MS4A15: variants seen among roughly 807,000 people sequenced by gnomAD.
The protein encoded by MS4A15 is membrane spanning 4-domains A15, also known as membrane-spanning 4-domains subfamily A member 15.
In MS4A15, 22 loss-of-function variants were observed where a neutral mutation model predicts 20.6. The ratio of observed to expected loss-of-function variants is 1.07; its 90% confidence interval spans 0.76 to 1.52. MS4A15 has a LOEUF of 1.52. Among genes scored for constraint, MS4A15 ranks in the 40% most tolerant of loss-of-function variants. The probability of loss-of-function intolerance (pLI) is 0.00; values close to 1 mark genes in which losing one functional copy is unlikely to be tolerated. For missense variants in MS4A15, 312 were observed against 323.0 expected, an observed-to-expected ratio of 0.97 and a Z score of 0.26; for synonymous variants, 129 against 129.3, an observed-to-expected ratio of 1.00 and a Z score of 0.02.
chr11:60,766,552 A>T (rs1254682381), intron 2 of MS4A15, among the ~76,000 whole-genome samples: 2 of 152,106 alleles, frequency 1.3e-5, no homozygotes, highest in Non-Finnish European at 2.9e-5. Context: ...CCACAGGGGA[A>T]AGATCTAAGG....
intron 1 of MS4A15, among the ~76,000 whole-genome samples, chr11:60,759,606 C>T (rs1853682058): frequency 6.6e-6 from 1 of 151,792 alleles, no homozygotes; most frequent in Non-Finnish European, 1.5e-5. Context: ...CCTCTGTTTC[C>T]CACATGTCCC....
Position 60,763,797 on chromosome 11 carries a change from CTCTGCCCACCTCCGGCCAT to C in MS4A15, c.74_92del (p.Pro25HisfsTer37). The stretch of plus-strand genomic sequence containing the variant: ...CATCCCGCCAAACAACGCCAGTGGC[CTCTGCCCACCTCCGGCCAT>C]TCTGCCCACATCCATGTGCCAACCT... On this transcript the variant is annotated frameshift_variant, in exon 2 of 7. Coordinates refer to ENST00000405633, the MANE Select transcript of MS4A15 (RefSeq NM_001098835.2). LOFTEE classifies it high-confidence loss of function. 6.2e-7 allele frequency: 1 copy of C among 1,612,414 alleles called. No homozygotes were observed. Among genetic ancestry groups the C allele is most frequent in the Non-Finnish European group, 8.5e-7 (1 of 1,179,880 alleles).
At chr11:60,764,674 G>A (rs895259006) in intron 2 of MS4A15, among the ~76,000 whole-genome samples, 3 of 152,224 alleles carry the variant, frequency 2.0e-5, no homozygotes, top group Non-Finnish European at 4.4e-5. Context: ...ACTTTGGGAG[G>A]CCGAGGCAGG....
intron 1 of MS4A15, among the ~76,000 whole-genome samples, chr11:60,757,756 A>C (rs1853629942): frequency 6.6e-6 from 1 of 152,174 alleles, no homozygotes; most frequent in South Asian, 2.1e-4. Context: ...CAGTCAGTGA[A>C]TATCTATATG....
At chr11:60,764,812 G>A (rs931547407) in intron 2 of MS4A15, among the ~76,000 whole-genome samples, 4 of 152,136 alleles carry the variant, frequency 2.6e-5, no homozygotes, top group Non-Finnish European at 5.9e-5. Context: ...GGGAGGCTGA[G>A]GCAGGAGAAT....
chr11:60,762,584 G>C (rs1416366599), intron 1 of MS4A15, among the ~76,000 whole-genome samples: 1 of 152,132 alleles, frequency 6.6e-6, no homozygotes, highest in African/African-American at 2.4e-5. Context: ...TACACATTTG[G>C]GTAATGGCCA....
chr11:60,766,384 A>T (rs569340167), intron 2 of MS4A15, among the ~76,000 whole-genome samples: 72 of 152,222 alleles, frequency 4.7e-4, no homozygotes, highest in African/African-American at 1.7e-3. Flanking sequence ...TCCTTCTCAA[A>T]AATAATAATA....
chr11:60,763,965 A>G lies in MS4A15; in HGVS notation c.225+7A>G. On this transcript the variant is annotated splice_region_variant and intron_variant, in intron 2 of 6. Transcript: ENST00000405633. ...AGAGCCCAAAGTTTTGGGGGTAAGA[A>G]CAGCCTCTCTGCACAACCTGAGGCA... is the stretch of plus-strand genomic sequence containing the variant. 6.2e-7 allele frequency: 1 copy of G among 1,607,834 alleles called. No individual in the cohort carries two copies. The highest frequency in any genetic ancestry group is 8.5e-7 in the Non-Finnish European group (1 of 1,177,580).
chr11:60,774,096 T>TCCCATCCATGTCAGGGGGC, intron 6 of MS4A15, 146 bp downstream of exon 6: 1 of 663,202 alleles, frequency 1.5e-6, no homozygotes, highest in Non-Finnish European at 2.7e-6. Flanking sequence ...AGGAAGGGTG[T>TCCCATCCATGTCAGGGGGC]CCCATCCATG....
chr11:60,764,831 C>T (rs1206292868), intron 2 of MS4A15, among the ~76,000 whole-genome samples: 1 of 152,104 alleles, frequency 6.6e-6, no homozygotes, highest in East Asian at 1.9e-4. Context: ...ATTGCTTGAA[C>T]CCGGGAGGTG....
chr11:60,770,016 A>T (rs1236878262), intron 3 of MS4A15, among the ~76,000 whole-genome samples: 1 of 152,214 alleles, frequency 6.6e-6, no homozygotes. Flanking sequence ...GCAGGCCCAG[A>T]GTGGCGCAGC....
chr11:60,763,959 G>C lies in MS4A15; in HGVS notation c.225+1G>C. On this transcript the variant is annotated splice_donor_variant, in intron 2 of 6. Coordinates refer to ENST00000405633, the MANE Select transcript of MS4A15 (RefSeq NM_001098835.2). LOFTEE classifies it high-confidence loss of function. Reference sequence around the variant, plus strand: ...GACAGGAGAGCCCAAAGTTTTGGGGGTAAGAACAGCCTCTCTGCACAACCT... The same window carrying C: ...GACAGGAGAGCCCAAAGTTTTGGGGCTAAGAACAGCCTCTCTGCACAACCT... 6.2e-7 allele frequency: 1 copy of C among 1,610,012 alleles called. No individual in the cohort carries two copies. Among genetic ancestry groups the C allele is most frequent in the South Asian group, 1.1e-5 (1 of 90,818 alleles).
intron 5 of MS4A15, among the ~76,000 whole-genome samples, 161 bp from the exon 6 acceptor site, chr11:60,773,676 G>A (rs540914884): frequency 6.6e-6 from 1 of 152,342 alleles, no homozygotes; most frequent in African/African-American, 2.4e-5. Flanking sequence ...GAGGCAGCCT[G>A]CAGGGTGAAG....
At chr11:60,758,534 C>A (rs759109233) in intron 1 of MS4A15, among the ~76,000 whole-genome samples, 1 of 152,220 alleles carries the variant, frequency 6.6e-6, no homozygotes, top group Non-Finnish European at 1.5e-5. Context: ...ACTCATCTGA[C>A]TCAAACTTTT....
At chr11:60,763,445 C>A (rs1853797992) in intron 1 of MS4A15, among the ~76,000 whole-genome samples, 1 of 152,194 alleles carries the variant, frequency 6.6e-6, no homozygotes, top group African/African-American at 2.4e-5. Flanking sequence ...GAGCTTTCCA[C>A]ATAATATAGC....
intron 5 of MS4A15, 87 bp downstream of exon 5, chr11:60,773,571 C>T (rs908962690): frequency 4.1e-5 from 51 of 1,258,798 alleles, no homozygotes; most frequent in South Asian, 6.2e-5. Context: ...GAGTTTGCAG[C>T]GCCAGGACGT....
intron 3 of MS4A15, 127 bp downstream of exon 3, chr11:60,767,782 C>T (rs1853922214): frequency 8.8e-7 from 1 of 1,136,680 alleles, no homozygotes; most frequent in East Asian, 3.0e-5. Flanking sequence ...GAGGCACTTC[C>T]TAGAAGAACT....
chr11:60,771,317 G>A lies in MS4A15; in HGVS notation c.375G>A (p.Val125=), dbSNP rs751341687. 3.7e-6 allele frequency: 6 copies of A among 1,614,132 alleles called. No individual in the cohort carries two copies. In the Admixed American group the frequency reaches 5.0e-5, roughly 13 times the overall value. The change falls in exon 4 of 7, where the codon GTG becomes GTA. Residue 125 remains valine (V), a synonymous_variant. Coordinates refer to ENST00000405633, the MANE Select transcript of MS4A15 (RefSeq NM_001098835.2). Reference sequence around the variant, plus strand: ...TCATCATCTCCGGATCCCTCTCAGTGGCAGCCGAGAAGAACCACACCAGTT... The same window carrying A: ...TCATCATCTCCGGATCCCTCTCAGTAGCAGCCGAGAAGAACCACACCAGTT... The part of the protein sequence containing the change: ...ACFIISGSLS[V]AAEKNHTSCL...
intron 2 of MS4A15, 29 bp downstream of exon 2, chr11:60,763,987 G>C: frequency 6.4e-7 from 1 of 1,574,480 alleles, no homozygotes; most frequent in South Asian, 1.1e-5. Flanking sequence ...CACAACCTGA[G>C]GCAGGTAGTG....
Sources: gnomAD v4.1 joint callset for allele counts (sites outside exome capture counted in the v4.1 genomes callset) on GRCh38, gnomAD v4.1.1 for gene constraint, MANE v1.5 for transcripts, NCBI Gene and HGNC (gene_info 2026-07-23, HGNC 2026-07-21) for gene names.